DNAH12: variants seen among roughly 807,000 people sequenced by gnomAD.
The protein encoded by DNAH12 is axonemal beta dynein heavy chain 12.
DNAH12 carries 285 observed loss-of-function variants against 371.5 expected under a neutral mutation model. The observed-to-expected ratio is 0.77, with a 90% CI of 0.70 to 0.85. The LOEUF (loss-of-function observed/expected upper bound fraction) is 0.85, where lower values mean the gene tolerates loss of function less well. Ranked by LOEUF, DNAH12 falls within the 40% of genes least tolerant of loss-of-function variation. The pLI is 0.00. For missense variants in DNAH12, 3,611 were observed against 3,689.4 expected, an observed-to-expected ratio of 0.98 and a Z score of 0.55; for synonymous variants, 1,200 against 1,213.0, an observed-to-expected ratio of 0.99 and a Z score of 0.22.
At chr3:57,415,704 A>G (rs2064351694) in intron 37 of DNAH12, 140 bp from the exon 38 acceptor site, 1 of 776,210 alleles carries the variant, frequency 1.3e-6, no homozygotes, top group Admixed American at 3.7e-5. Context: ...TAGTTATTTC[A>G]TGAAAGACAG....
chr3:57,337,533 C>T (rs541017063), intron 60 of DNAH12, among the ~76,000 whole-genome samples: 1 of 152,252 alleles, frequency 6.6e-6, no homozygotes, highest in African/African-American at 2.4e-5. Flanking sequence ...GTGACGTATG[C>T]CTGTAATCCC....
chr3:57,389,172 A>G (rs2063557770), intron 45 of DNAH12, among the ~76,000 whole-genome samples: 1 of 151,140 alleles, frequency 6.6e-6, no homozygotes, highest in Non-Finnish European at 1.5e-5. Context: ...TATCTTGTGT[A>G]TATTTACTTC....
At chr3:57,459,313 G>A (rs1171476308) in intron 20 of DNAH12, among the ~76,000 whole-genome samples, 1 of 152,106 alleles carries the variant, frequency 6.6e-6, no homozygotes, top group Non-Finnish European at 1.5e-5. Flanking sequence ...TATTTTATGA[G>A]GAGGAGAGCA....
chr3:57,420,132 G>A (rs1242217172), intron 36 of DNAH12, among the ~76,000 whole-genome samples: 1 of 152,120 alleles, frequency 6.6e-6, no homozygotes, highest in Non-Finnish European at 1.5e-5. Flanking sequence ...AAATTCTTCT[G>A]AATCACTGGC....
At position 57,468,759 on chromosome 3, in the gene DNAH12, T is replaced by C. The variant is rs1475439512; in HGVS notation, c.2326A>G (p.Met776Val). ...NATITMCSTV[M>V]EQIKAFKEYI... ...ACCTTAAAAGCTTTTATCTGTTCCA[T>C]GACTGTACTGCACATAGTAATAGTA... The change falls in exon 17 of 74, where the codon ATG becomes GTG. Residue 776 changes from methionine (M) to valine (V), a missense_variant. Coordinates refer to ENST00000495027, the MANE Select transcript of DNAH12 (RefSeq NM_001366028.2). The C allele has an allele frequency of 1.3e-6, 2 of 1,491,974 alleles. No homozygotes were observed. Among genetic ancestry groups the C allele is most frequent in the Non-Finnish European group, 1.8e-6 (2 of 1,128,218 alleles). 92.4% of individuals were successfully genotyped at this position (1,491,974 alleles called of 1,614,324 possible). A position where few individuals can be genotyped will look rare whatever the true frequency, so the allele number is the denominator to read the frequency against.
chr3:57,344,561 A>G (rs2062491178), intron 60 of DNAH12, among the ~76,000 whole-genome samples: 1 of 152,192 alleles, frequency 6.6e-6, no homozygotes, highest in African/African-American at 2.4e-5. Context: ...CAACAGATGA[A>G]GGGATAAAGA....
chr3:57,316,553 G>C (rs772959769), intron 65 of DNAH12, among the ~76,000 whole-genome samples: 1 of 152,030 alleles, frequency 6.6e-6, no homozygotes, highest in Non-Finnish European at 1.5e-5. Flanking sequence ...CTCCAACACT[G>C]GGCTGAGCTG....
At chr3:57,511,751 G>C (rs1575710691) in intron 4 of DNAH12, among the ~76,000 whole-genome samples, 1 of 152,044 alleles carries the variant, frequency 6.6e-6, no homozygotes, top group East Asian at 1.9e-4. Flanking sequence ...ACAACAGAAA[G>C]TCCAAAAATA....
chr3:57,395,161 C>G (rs1342151038), intron 43 of DNAH12, among the ~76,000 whole-genome samples: 1 of 152,104 alleles, frequency 6.6e-6, no homozygotes, highest in Admixed American at 6.5e-5. Context: ...TAGTAAAATA[C>G]AATGTCATGA....
chr3:57,368,800 A>G (rs2063105114), intron 55 of DNAH12, among the ~76,000 whole-genome samples: 4 of 152,154 alleles, frequency 2.6e-5, no homozygotes, highest in Admixed American at 6.6e-5. Flanking sequence ...AGAACATATG[A>G]TTCATGGTTC....
chr3:57,352,122 G>T lies in DNAH12; in HGVS notation c.9637C>A (p.Leu3213Met), dbSNP rs1553660567. 3.9e-6 allele frequency: 6 copies of T among 1,536,650 alleles called. No individual in the cohort carries two copies. The Middle Eastern group carries it at 5.0e-4, about 129-fold the overall frequency. Residue 3213 changes from leucine (L) to methionine (M), a missense_variant, in exon 60 of 74, where the codon CTG becomes ATG. Physicochemically the swap from Leu to Met is conservative, Grantham distance 15. Around this residue, in one of 3 missense-constraint regions of DNAH12, gnomAD observed 2,266 missense variants for 2,236.9 expected, o/e 1.01. Coordinates refer to ENST00000495027, the MANE Select transcript of DNAH12 (RefSeq NM_001366028.2). The part of the protein sequence containing the change: ...ICRSLFEKDK[L>M]LFSFLLCANL... ...GCACATAATAAAAAGGAAAATAACA[G>T]CTTGTCCTTCTCAAATAGTGATCGG...
intron 11 of DNAH12, among the ~76,000 whole-genome samples, chr3:57,491,081 C>CAAAAAAAAAAAAAAAAA (rs553885449): frequency 1.4e-5 from 1 of 70,386 alleles, no homozygotes; most frequent in Non-Finnish European, 2.8e-5. Flanking sequence ...GACTCTATCT[C>CAAAAAAAAAAAAAAAAA]AAAAAAAAAA....
At chr3:57,368,746 G>C (rs1342496800) in intron 55 of DNAH12, among the ~76,000 whole-genome samples, 1 of 152,176 alleles carries the variant, frequency 6.6e-6, no homozygotes, top group Non-Finnish European at 1.5e-5. Context: ...ATATATCTGA[G>C]ATCTATTTAG....
chr3:57,506,773 T>C (rs1030100923), intron 8 of DNAH12, among the ~76,000 whole-genome samples: 1 of 152,076 alleles, frequency 6.6e-6, no homozygotes, highest in African/African-American at 2.4e-5. Flanking sequence ...GAGAGCCATA[T>C]TTCTAGCACA....
intron 13 of DNAH12, among the ~76,000 whole-genome samples, chr3:57,481,518 G>A (rs1357925280): frequency 6.6e-6 from 1 of 152,014 alleles, no homozygotes; most frequent in Non-Finnish European, 1.5e-5. Context: ...TAGATTCAAT[G>A]CCATCCCCAT....
chr3:57,408,482 G>A lies in DNAH12; in HGVS notation c.6074C>T (p.Ala2025Val). Residue 2025 changes from alanine (A) to valine (V), a missense_variant, in exon 40 of 74, where the codon GCT (alanine) becomes GTT (valine). By Grantham distance (64) the Ala-to-Val change is moderately conservative. Coordinates refer to ENST00000495027, the MANE Select transcript of DNAH12 (RefSeq NM_001366028.2). Reference protein sequence around the residue: ...KITLVDIELIAAMGPPGGGRN... With the variant: ...KITLVDIELIVAMGPPGGGRN... ...TCCACCACCTGGAGGGCCCATTGCAGCAATCAGCTCTATGTCCACCAGCGT... is the reference window on the plus strand; with the variant it reads ...TCCACCACCTGGAGGGCCCATTGCAACAATCAGCTCTATGTCCACCAGCGT... The A allele has an allele frequency of 6.4e-7, 1 of 1,551,350 alleles. No homozygotes were observed. The highest frequency in any genetic ancestry group is 8.7e-7 in the Non-Finnish European group (1 of 1,146,824).
chr3:57,409,676 G>C (rs782651342), intron 39 of DNAH12, among the ~76,000 whole-genome samples: 2 of 151,994 alleles, frequency 1.3e-5, no homozygotes, highest in Non-Finnish European at 2.9e-5. Flanking sequence ...AGAATTCCTA[G>C]GGCCTATAGT....
intron 43 of DNAH12, among the ~76,000 whole-genome samples, chr3:57,401,577 A>AAG (rs2063866422): frequency 6.8e-6 from 1 of 148,092 alleles, no homozygotes; most frequent in Non-Finnish European, 1.5e-5. Flanking sequence ...AAAAAAAAAA[A>AAG]AAAAAGAAGA....
intron 34 of DNAH12, among the ~76,000 whole-genome samples, chr3:57,427,933 G>GT (rs78378789): frequency 0.011 from 1,641 of 148,474 alleles, 24 homozygotes; most frequent in African/African-American, 0.033. Flanking sequence ...TGGTTTTGGG[G>GT]TTTTTTTTTT....
Sources: allele counts gnomAD v4.1 joint callset (sites outside exome capture counted in the v4.1 genomes callset), GRCh38; gene constraint gnomAD v4.1.1; regional missense constraint gnomAD v4.1.1; transcripts MANE v1.5; gene names NCBI Gene and HGNC (gene_info 2026-07-23, HGNC 2026-07-21).